C9orf153: variants seen among roughly 807,000 people sequenced by gnomAD.
C9orf153 encodes the protein uncharacterized protein C9orf153.
A neutral mutation model predicts 9.0 loss-of-function variants in C9orf153; 10 were observed. The observed-to-expected ratio is 1.11, with a 90% CI of 0.69 to 1.89. C9orf153 has a LOEUF of 1.89. Ranked by LOEUF, C9orf153 falls within the 40% of genes most tolerant of loss-of-function variation. The probability of loss-of-function intolerance (pLI) is 0.00; values close to 1 mark genes in which losing one functional copy is unlikely to be tolerated. For synonymous variants in C9orf153, 35 were observed against 37.3 expected (o/e 0.94, Z 0.23); for missense variants, 108 against 111.0 (o/e 0.97, Z 0.12).
At chr9:86,240,922 T>A (rs1824729034) in intron 1 of C9orf153, among the ~76,000 whole-genome samples, 1 of 151,950 alleles carries the variant, frequency 6.6e-6, no homozygotes, top group Non-Finnish European at 1.5e-5. Flanking sequence ...TTGGCCAGGC[T>A]GGTCTGGAGC....
At chr9:86,237,176 A>AT (rs1214664722) in intron 1 of C9orf153, among the ~76,000 whole-genome samples, 1 of 152,160 alleles carries the variant, frequency 6.6e-6, no homozygotes, top group Non-Finnish European at 1.5e-5. Context: ...AAGTAAAAAA[A>AT]ATATATAATT....
At chr9:86,246,193 G>A (rs918463094) in intron 1 of C9orf153, among the ~76,000 whole-genome samples, 14 of 152,334 alleles carry the variant, frequency 9.2e-5, no homozygotes, top group African/African-American at 3.4e-4. Context: ...GCTGAGGACA[G>A]CTTGGCAAAG....
In C9orf153 at chr9:86,221,426, T is replaced by A; in HGVS notation, c.*262A>T. Reference sequence around the variant, plus strand: ...CAGATGTTCTATTGGGTACTTGGCTTCTTTACTTTTTGTGTATTAAATCAA... The same window carrying A: ...CAGATGTTCTATTGGGTACTTGGCTACTTTACTTTTTGTGTATTAAATCAA... On this transcript the variant is annotated 3_prime_UTR_variant, in exon 4 of 4. Coordinates refer to ENST00000339137, the MANE Select transcript of C9orf153 (RefSeq NM_001276366.4). 1.5e-6 allele frequency: 1 copy of A among 688,380 alleles called. No homozygotes were observed. Among genetic ancestry groups the A allele is most frequent in the Non-Finnish European group, 2.1e-6 (1 of 484,542 alleles). The allele number at this position is 688,380 out of a possible 1,614,324, so 42.6% of individuals were successfully genotyped here. A position where few individuals can be genotyped will look rare whatever the true frequency, so the allele number is the denominator to read the frequency against.
intron 3 of C9orf153, 156 bp downstream of exon 3, chr9:86,227,699 T>C (rs1824367186): frequency 2.0e-6 from 2 of 985,310 alleles, no homozygotes; most frequent in Non-Finnish European, 2.4e-6. Flanking sequence ...GAGAATTTCA[T>C]AAGGAAAAGT....
intron 1 of C9orf153, among the ~76,000 whole-genome samples, chr9:86,240,198 G>A (rs1824699847): frequency 6.6e-6 from 1 of 152,028 alleles, no homozygotes; most frequent in Non-Finnish European, 1.5e-5. Context: ...TGAAGAAATT[G>A]AAACACAGAC....
chr9:86,232,456 T>A (rs1290057305), intron 1 of C9orf153, among the ~76,000 whole-genome samples: 1 of 152,190 alleles, frequency 6.6e-6, no homozygotes, highest in African/African-American at 2.4e-5. Flanking sequence ...GTTTACAGAT[T>A]TGTGTGAGTA....
rs1012578139 is a variant in C9orf153, at chr9:86,236,258, AAGAG to A, written c.-26-6633_-26-6630del. On this transcript the variant is annotated intron_variant, in intron 1 of 3. Transcript: ENST00000339137. ...CTGTGAAATTATCCTTCAAAAGCAA[AAGAG>A]AGAGAGGGCCAGGCGTGGTGTCTCA... 1.6e-3 allele frequency among the ~76,000 whole-genome samples: 249 copies of A among 152,176 alleles called. 1 individual carries two copies. The highest frequency in any genetic ancestry group is 5.8e-3 in the African/African-American group (241 of 41,530).
intron 1 of C9orf153, among the ~76,000 whole-genome samples, chr9:86,239,780 C>G (rs987756197): frequency 3.3e-5 from 5 of 152,070 alleles, no homozygotes; most frequent in Non-Finnish European, 7.4e-5. Flanking sequence ...GTAAATTATA[C>G]CTAAATAAAG....
intron 1 of C9orf153, among the ~76,000 whole-genome samples, chr9:86,251,592 G>A (rs1824994513): frequency 6.6e-6 from 1 of 151,774 alleles, no homozygotes; most frequent in South Asian, 2.1e-4. Flanking sequence ...TTTTGTTATA[G>A]GGAATATAAT....
chr9:86,250,728 C>T (rs910246817), intron 1 of C9orf153, among the ~76,000 whole-genome samples: 16 of 146,692 alleles, frequency 1.1e-4, no homozygotes, highest in South Asian at 2.2e-4. Flanking sequence ...TGTTTTTTTA[C>T]GGAGAAACTC....
Position 86,221,572 on chromosome 9 carries a change from C to T in C9orf153, c.*116G>A, listed in dbSNP as rs1824203794. The T allele has an allele frequency of 7.1e-7, 1 of 1,401,708 alleles. No homozygotes were observed. The highest frequency in any genetic ancestry group is 1.5e-5 in the African/African-American group (1 of 67,452). The allele number at this position is 1,401,708 out of a possible 1,614,324, so 86.8% of individuals were successfully genotyped here. ...GGATAAATGACCAAAGACTTGCGAACTATAGGGGGGAAAATAACGTCAGGC... is the reference window on the plus strand; with the variant it reads ...GGATAAATGACCAAAGACTTGCGAATTATAGGGGGGAAAATAACGTCAGGC... On this transcript the variant is annotated 3_prime_UTR_variant, in exon 4 of 4. Coordinates refer to ENST00000339137, the MANE Select transcript of C9orf153 (RefSeq NM_001276366.4).
At position 86,221,301 on chromosome 9, in the gene C9orf153, C is replaced by T. The variant is rs566768478; in HGVS notation, c.*387G>A. On this transcript the variant is annotated 3_prime_UTR_variant, in exon 4 of 4. Coordinates refer to ENST00000339137, the MANE Select transcript of C9orf153 (RefSeq NM_001276366.4). ...CCTGGTCCAAATGGGTTGCACCGTCCAAACCACTTCTCACGTTAGCAGATT... is the reference window on the plus strand; with the variant it reads ...CCTGGTCCAAATGGGTTGCACCGTCTAAACCACTTCTCACGTTAGCAGATT... 120 of 167,954 alleles carry T rather than the reference C, an allele frequency of 7.1e-4. No individual in the cohort carries two copies. Among genetic ancestry groups the T allele is most frequent in the Middle Eastern group, 2.7e-3 (1 of 376 alleles). 10.4% of individuals were successfully genotyped at this position (167,954 alleles called of 1,614,324 possible). A position where few individuals can be genotyped will look rare whatever the true frequency, so the allele number is the denominator to read the frequency against.
At chr9:86,240,508 G>T in intron 1 of C9orf153, among the ~76,000 whole-genome samples, 1 of 150,794 alleles carries the variant, frequency 6.6e-6, no homozygotes, top group East Asian at 1.9e-4. Context: ...CTCTCAGGTA[G>T]CTGGGACTAC....
chr9:86,256,997 C>G (rs1825134558), intron 1 of C9orf153, among the ~76,000 whole-genome samples: 1 of 151,980 alleles, frequency 6.6e-6, no homozygotes, highest in Non-Finnish European at 1.5e-5. Context: ...CTTGTCTCAA[C>G]AAGAAGAAGA....
At chr9:86,233,530 C>T (rs1824514808) in intron 1 of C9orf153, among the ~76,000 whole-genome samples, 1 of 152,098 alleles carries the variant, frequency 6.6e-6, no homozygotes, top group Non-Finnish European at 1.5e-5. Context: ...AATTCTCCTG[C>T]CTCACCCTCC....
chr9:86,229,612 G>T lies in C9orf153; in HGVS notation c.-9C>A, dbSNP rs565297687. The T allele has an allele frequency of 1.9e-6, 3 of 1,603,792 alleles. No homozygotes were observed. Among genetic ancestry groups the T allele is most frequent in the African/African-American group, 2.7e-5 (2 of 74,706 alleles). Reference sequence around the variant, plus strand: ...TCTCCAGTGAGGAACATCGTGCTGGGATTTTATTCTCTAATTCCTAAAAAA... The same window carrying T: ...TCTCCAGTGAGGAACATCGTGCTGGTATTTTATTCTCTAATTCCTAAAAAA... On this transcript the variant is annotated 5_prime_UTR_variant, in exon 2 of 4. Transcript: ENST00000339137.
At chr9:86,233,448 G>T (rs533360373) in intron 1 of C9orf153, among the ~76,000 whole-genome samples, 2 of 151,920 alleles carry the variant, frequency 1.3e-5, no homozygotes, top group South Asian at 4.2e-4. Flanking sequence ...ACAGAGTCTG[G>T]TTCTCTCACC....
chr9:86,230,497 C>T (rs1356622214), intron 1 of C9orf153, among the ~76,000 whole-genome samples: 4 of 152,210 alleles, frequency 2.6e-5, no homozygotes, highest in African/African-American at 4.8e-5. Flanking sequence ...GACAGGGTTT[C>T]ACCGTGTTGG....
At chr9:86,238,463 G>T (rs1219748373) in intron 1 of C9orf153, among the ~76,000 whole-genome samples, 1 of 152,178 alleles carries the variant, frequency 6.6e-6, no homozygotes, top group Non-Finnish European at 1.5e-5. Context: ...AGTTAAGTTA[G>T]ATGCCAATAA....
Sources: allele counts gnomAD v4.1 joint callset (sites outside exome capture counted in the v4.1 genomes callset), GRCh38; gene constraint gnomAD v4.1.1; transcripts MANE v1.5; gene names NCBI Gene and HGNC (gene_info 2026-07-23, HGNC 2026-07-21).